The following SPOCK3 variants were observed in gnomAD, a reference collection of about 807,000 sequenced individuals.
The protein encoded by SPOCK3 is testican-3.
SPOCK3 carries 30 observed loss-of-function variants against 56.6 expected under a neutral mutation model. The observed-to-expected ratio is 0.53, with a 90% CI of 0.40 to 0.72. The LOEUF (loss-of-function observed/expected upper bound fraction) is 0.72, where lower values mean the gene tolerates loss of function less well. Ranked by LOEUF, SPOCK3 falls within the 30% of genes least tolerant of loss-of-function variation. The pLI is 0.00. For synonymous variants in SPOCK3, 196 were observed against 183.3 expected (o/e 1.07, Z -0.56); for missense variants, 527 against 530.0 (o/e 0.99, Z 0.06).
At chr4:166,851,420 T>G (rs1180667907) in intron 6 of SPOCK3, among the ~76,000 whole-genome samples, 1 of 152,200 alleles carries the variant, frequency 6.6e-6, no homozygotes, top group African/African-American at 2.4e-5. Flanking sequence ...CCTCTCCTCC[T>G]GCAAAGGAAC....
chr4:167,140,889 T>G (rs1013531200), intron 2 of SPOCK3, among the ~76,000 whole-genome samples: 1 of 152,044 alleles, frequency 6.6e-6, no homozygotes, highest in Admixed American at 6.6e-5. Flanking sequence ...ATCAACAATC[T>G]AGTCCTTAAG....
At position 167,153,875 on chromosome 4, in the gene SPOCK3, G is replaced by GA. The variant is rs574315657; in HGVS notation, c.189+80109dup. ...CTGACTTCAAATTAGTTTAAGCGGG[G>GA]AAAAATGACAAGACATAGGTAGATT... On this transcript the variant is annotated intron_variant, in intron 2 of 10. Coordinates refer to ENST00000357545, the MANE Select transcript of SPOCK3 (RefSeq NM_001040159.2). Among the ~76,000 whole-genome samples, 320 of 146,258 alleles carry GA rather than the reference G, an allele frequency of 2.2e-3. 2 individuals are homozygous for GA. The Middle Eastern group carries it at 0.024, about 11-fold the overall frequency.
chr4:166,799,301 C>T (rs1560870580), intron 6 of SPOCK3, among the ~76,000 whole-genome samples: 1 of 152,186 alleles, frequency 6.6e-6, no homozygotes, highest in Non-Finnish European at 1.5e-5. Flanking sequence ...CCTGCACAGC[C>T]TCCTTTTATT....
At chr4:167,014,419 G>A (rs1034750270) in intron 3 of SPOCK3, among the ~76,000 whole-genome samples, 3 of 151,996 alleles carry the variant, frequency 2.0e-5, no homozygotes, top group African/African-American at 7.2e-5. Context: ...GAAGAGGCAG[G>A]AGGATTGCTT....
At chr4:166,738,126 T>TG (rs1410178016) in intron 9 of SPOCK3, among the ~76,000 whole-genome samples, 1 of 152,184 alleles carries the variant, frequency 6.6e-6, no homozygotes, top group African/African-American at 2.4e-5. Context: ...GACTAGAGTC[T>TG]CTCTCCTCTC....
intron 2 of SPOCK3, among the ~76,000 whole-genome samples, chr4:167,183,477 G>T (rs2110778044): frequency 6.6e-6 from 1 of 152,016 alleles, no homozygotes; most frequent in African/African-American, 2.4e-5. Context: ...AAAACAAAAT[G>T]CATAGAAGGA....
intron 7 of SPOCK3, among the ~76,000 whole-genome samples, chr4:166,777,986 G>T (rs1739756896): frequency 6.6e-6 from 1 of 152,168 alleles, no homozygotes; most frequent in South Asian, 2.1e-4. Context: ...CCAGACCACA[G>T]TGTGCTTATT....
At chr4:166,951,189 C>T (rs1351517571) in intron 4 of SPOCK3, among the ~76,000 whole-genome samples, 3 of 142,822 alleles carry the variant, frequency 2.1e-5, no homozygotes, top group African/African-American at 8.6e-5. Context: ...AGACTGCTAG[C>T]AAGACTAATA....
At chr4:166,842,636 T>A (rs1483093454) in intron 6 of SPOCK3, among the ~76,000 whole-genome samples, 7 of 151,910 alleles carry the variant, frequency 4.6e-5, no homozygotes, top group African/African-American at 1.5e-4. Flanking sequence ...CCCACCAGAG[T>A]AGCTAGTTAC....
At chr4:167,153,773 C>G (rs1487371996) in intron 2 of SPOCK3, among the ~76,000 whole-genome samples, 1 of 152,152 alleles carries the variant, frequency 6.6e-6, no homozygotes, top group Non-Finnish European at 1.5e-5. Context: ...AGCATCAAAA[C>G]ACAAGGAGTT....
rs182885501 is a variant in SPOCK3 at position 166,784,991 on chromosome 4, A to G, written c.709+7179T>C. On this transcript the variant is annotated intron_variant, in intron 7 of 10. Transcript: ENST00000357545. Reference sequence around the variant, plus strand: ...CAGCCATATTTTTAAAAGCCTGGGTATAGTATTTCTGCTATGCAATTTTTG... The same window carrying G: ...CAGCCATATTTTTAAAAGCCTGGGTGTAGTATTTCTGCTATGCAATTTTTG... Among the ~76,000 whole-genome samples the G allele has an allele frequency of 9.2e-5, 14 of 152,184 alleles. No homozygotes were observed. In the East Asian group the frequency reaches 2.5e-3, roughly 27 times the overall value.
chr4:167,218,357 T>C (rs1389290662), intron 2 of SPOCK3, among the ~76,000 whole-genome samples: 1 of 152,148 alleles, frequency 6.6e-6, no homozygotes. Flanking sequence ...CCAGGGGTGC[T>C]TTTGTCACCT....
Position 167,014,182 on chromosome 4 carries a change from C to T in SPOCK3, c.236-13719G>A, listed in dbSNP as rs932362675. The stretch of plus-strand genomic sequence containing the variant: ...GAGTAACAATCTGCCTTTCTCAGCC[C>T]TCTAGTAGGACACAGAATTTCCTCC... On this transcript the variant is annotated intron_variant, in intron 3 of 10. Transcript: ENST00000357545. Among the ~76,000 whole-genome samples, 5 of 152,078 alleles carry T rather than the reference C, an allele frequency of 3.3e-5. No homozygotes were observed. The East Asian group carries it at 7.7e-4, about 24-fold the overall frequency.
chr4:166,854,284 A>G (rs1730434126), intron 6 of SPOCK3, among the ~76,000 whole-genome samples: 1 of 152,204 alleles, frequency 6.6e-6, no homozygotes, highest in Admixed American at 6.5e-5. Flanking sequence ...GTTTTCCAAC[A>G]GTACTTTAAC....
chr4:166,978,814 G>A (rs1746265478), intron 4 of SPOCK3, among the ~76,000 whole-genome samples: 1 of 151,976 alleles, frequency 6.6e-6, no homozygotes, highest in Non-Finnish European at 1.5e-5. Context: ...AAAATTAAGG[G>A]AAAAAGAAAA....
At chr4:166,996,871 C>T (rs759791513) in intron 4 of SPOCK3, among the ~76,000 whole-genome samples, 20 of 152,228 alleles carry the variant, frequency 1.3e-4, no homozygotes, top group Non-Finnish European at 2.1e-4. Context: ...TTATTTAAAA[C>T]GCTGAGGAAG....
intron 6 of SPOCK3, among the ~76,000 whole-genome samples, chr4:166,867,310 A>C (rs1731950706): frequency 6.6e-6 from 1 of 152,048 alleles, no homozygotes; most frequent in Non-Finnish European, 1.5e-5. Flanking sequence ...TTATTTTTAT[A>C]TTTTCCATCC....
chr4:167,067,795 C>A (rs35227215), intron 2 of SPOCK3, among the ~76,000 whole-genome samples: 3,911 of 151,858 alleles, frequency 0.026, 81 homozygotes, highest in Middle Eastern at 0.061. Context: ...CTATACTACA[C>A]CCAAAAAGGA....
chr4:167,094,353 T>C (rs546552101), intron 2 of SPOCK3, among the ~76,000 whole-genome samples: 12 of 152,140 alleles, frequency 7.9e-5, no homozygotes, highest in Non-Finnish European at 1.5e-4. Context: ...CTAATAAACA[T>C]ATGTGTAAAA....
Sources: allele counts gnomAD v4.1 joint callset (sites outside exome capture counted in the v4.1 genomes callset), GRCh38; gene constraint gnomAD v4.1.1; transcripts MANE v1.5; gene names NCBI Gene and HGNC (gene_info 2026-07-23, HGNC 2026-07-21).